The following TESPA1 variants were observed in gnomAD, a reference collection of about 807,000 sequenced individuals.
TESPA1 encodes protein TESPA1.
A neutral mutation model predicts 57.9 loss-of-function variants in TESPA1; 33 were observed. The observed-to-expected ratio is 0.57, with a 90% CI of 0.43 to 0.76. TESPA1 has a LOEUF of 0.76. Among genes scored for constraint, TESPA1 ranks in the 30% least tolerant of loss-of-function variants. The pLI, the probability that TESPA1 is intolerant of heterozygous loss-of-function variation, is 0.00. For synonymous variants in TESPA1, 227 were observed against 228.9 expected (o/e 0.99, Z 0.07); for missense variants, 618 against 632.9 (o/e 0.98, Z 0.25).
intron 1 of TESPA1, among the ~76,000 whole-genome samples, chr12:54,977,504 C>A (rs917103586): frequency 5.9e-5 from 9 of 152,196 alleles, no homozygotes; most frequent in Admixed American, 5.2e-4. Context: ...CTTGACTAAT[C>A]CCTATTTACT....
intron 1 of TESPA1, among the ~76,000 whole-genome samples, chr12:54,975,592 G>T (rs1264755737): frequency 1.3e-5 from 2 of 152,046 alleles, no homozygotes; most frequent in Non-Finnish European, 2.9e-5. Context: ...GAGCAAATAG[G>T]AGTGGGGCTG....
At chr12:54,969,173 G>T (rs928087838) in intron 3 of TESPA1, among the ~76,000 whole-genome samples, 1 of 150,592 alleles carries the variant, frequency 6.6e-6, no homozygotes, top group Non-Finnish European at 1.5e-5. Flanking sequence ...CTACATCAAA[G>T]GTTCATTATA....
chr12:54,972,037 C>T (rs1167093060), intron 3 of TESPA1, among the ~76,000 whole-genome samples: 3 of 152,152 alleles, frequency 2.0e-5, no homozygotes, highest in African/African-American at 4.8e-5. Flanking sequence ...TTATTTTAAG[C>T]GTCCCACTTT....
Position 54,963,229 on chromosome 12 carries a change from C to G in TESPA1, c.669G>C (p.Gln223His). The change falls in exon 9 of 11, where the codon CAG becomes CAC. Residue 223 changes from glutamine (Q) to histidine (H), a missense_variant. Transcript: ENST00000449076. The stretch of plus-strand genomic sequence containing the variant: ...CAGCAGTGACAGCCAGTGTTTGCAC[C>G]TGCTTAAACCTGCCTGGGTACAAGA... ...PCLMLASRFK[Q>H]VQTLAVTADA... 6.2e-6 allele frequency: 10 copies of G among 1,611,248 alleles called. No individual in the cohort carries two copies. Among genetic ancestry groups the G allele is most frequent in the Non-Finnish European group, 8.5e-6 (10 of 1,178,790 alleles).
chr12:54,959,746 A>C (rs752504106), intron 10 of TESPA1, among the ~76,000 whole-genome samples: 2 of 152,066 alleles, frequency 1.3e-5, no homozygotes, highest in Non-Finnish European at 2.9e-5. Flanking sequence ...ACGGTTACTA[A>C]TTTTTCAGTC....
chr12:54,962,173 G>A (rs1951119370), intron 9 of TESPA1, among the ~76,000 whole-genome samples: 1 of 152,184 alleles, frequency 6.6e-6, no homozygotes, highest in South Asian at 2.1e-4. Context: ...GATGAGAGGT[G>A]TACTTAATGG....
intron 1 of TESPA1, among the ~76,000 whole-genome samples, chr12:54,975,208 GA>G (rs34381094): frequency 0.017 from 2,501 of 144,596 alleles, 30 homozygotes; most frequent in Non-Finnish European, 0.023. Flanking sequence ...ATTTCTCTCA[GA>G]AAAAAAAAAA....
intron 3 of TESPA1, among the ~76,000 whole-genome samples, chr12:54,971,291 C>T (rs1428604489): frequency 6.6e-6 from 1 of 152,212 alleles, no homozygotes; most frequent in Non-Finnish European, 1.5e-5. Context: ...TATCCTCTTT[C>T]CTCTGTGGCC....
At chr12:54,963,429 C>T (rs1951212527) in intron 8 of TESPA1, among the ~76,000 whole-genome samples, 187 bp from the exon 9 acceptor site, 1 of 152,116 alleles carries the variant, frequency 6.6e-6, no homozygotes, top group African/African-American at 2.4e-5. Context: ...ACACCCCATC[C>T]CATGTAGATA....
intron 10 of TESPA1, among the ~76,000 whole-genome samples, chr12:54,958,214 G>A (rs750739197): frequency 5.3e-5 from 8 of 152,136 alleles, no homozygotes; most frequent in Non-Finnish European, 1.0e-4. Flanking sequence ...CCTGCTTTGT[G>A]GAACATCTTG....
chr12:54,953,522 CT>C (rs1178610425), intron 10 of TESPA1, among the ~76,000 whole-genome samples: 128 of 135,250 alleles, frequency 9.5e-4, no homozygotes, highest in Middle Eastern at 3.8e-3. Context: ...TTTTTATTTA[CT>C]TTTTTTTTTT....
intron 2 of TESPA1, chr12:54,973,805 G>A: frequency 8.4e-7 from 1 of 1,189,212 alleles, no homozygotes; most frequent in Non-Finnish European, 1.0e-6. Flanking sequence ...CACAAGGGTG[G>A]ATCCTTCTCA....
chr12:54,966,463 G>A (rs1489978378), intron 5 of TESPA1, 39 bp from the exon 6 acceptor site: 1 of 1,604,828 alleles, frequency 6.2e-7, no homozygotes, highest in African/African-American at 1.3e-5. Context: ...AAATTAGAAG[G>A]GAAAATGAAA....
chr12:54,953,408 C>T (rs1224399280), intron 10 of TESPA1, among the ~76,000 whole-genome samples: 1 of 152,162 alleles, frequency 6.6e-6, no homozygotes, highest in Non-Finnish European at 1.5e-5. Context: ...TTTCTCTCTG[C>T]CTAGAATATC....
intron 3 of TESPA1, 76 bp downstream of exon 3, chr12:54,973,401 G>A: frequency 6.3e-7 from 1 of 1,594,600 alleles, no homozygotes; most frequent in Non-Finnish European, 8.6e-7. Context: ...TCCCGTCTCT[G>A]AGTTTCCAGG....
intron 1 of TESPA1, among the ~76,000 whole-genome samples, chr12:54,976,897 C>T (rs1592422125): frequency 6.6e-6 from 1 of 152,050 alleles, no homozygotes; most frequent in African/African-American, 2.4e-5. Context: ...AAATACTTAC[C>T]TCTTTTTTTA....
intron 3 of TESPA1, among the ~76,000 whole-genome samples, chr12:54,970,102 G>A (rs1292976967): frequency 6.6e-6 from 1 of 151,966 alleles, no homozygotes; most frequent in Non-Finnish European, 1.5e-5. Context: ...TTAAAAAACT[G>A]TTGTTTTTTT....
At chr12:54,978,304 T>C (rs1592425635) in intron 1 of TESPA1, among the ~76,000 whole-genome samples, 1 of 152,212 alleles carries the variant, frequency 6.6e-6, no homozygotes, top group East Asian at 1.9e-4. Flanking sequence ...GTCCAATTAA[T>C]TGACTTATGG....
chr12:54,969,045 A>ATATATATATATATG (rs1951645068), intron 3 of TESPA1, among the ~76,000 whole-genome samples: 2 of 115,826 alleles, frequency 1.7e-5, no homozygotes, highest in African/African-American at 7.7e-5. Flanking sequence ...ATATATATAT[A>ATATATATATATATG]TGTGTGTGTG....
Sources: allele counts gnomAD v4.1 joint callset (sites outside exome capture counted in the v4.1 genomes callset), GRCh38; gene constraint gnomAD v4.1.1; transcripts MANE v1.5; gene names NCBI Gene and HGNC (gene_info 2026-07-23, HGNC 2026-07-21).